PRKAA2: variants seen among roughly 807,000 people sequenced by gnomAD.
PRKAA2 encodes 5'-AMP-activated protein kinase catalytic subunit alpha-2.
Under a neutral mutation model 56.3 loss-of-function variants are expected in PRKAA2, and 40 were observed. The ratio of observed to expected loss-of-function variants is 0.71; its 90% CI spans 0.55 to 0.92. PRKAA2 has a LOEUF of 0.92. Ranked by LOEUF, PRKAA2 falls within the 40% of genes least tolerant of loss-of-function variation. PRKAA2 has a pLI of 0.00. For missense variants in PRKAA2, 542 were observed against 686.9 expected (o/e 0.79, Z 2.36); for synonymous variants, 214 against 234.2 (o/e 0.91, Z 0.79).
At chr1:56,660,619 C>T (rs1198749311) in intron 1 of PRKAA2, among the ~76,000 whole-genome samples, 1 of 152,134 alleles carries the variant, frequency 6.6e-6, no homozygotes, top group East Asian at 1.9e-4. Flanking sequence ...CTTAAGCATG[C>T]AAGTGAGCAC....
At chr1:56,705,574 T>C (rs1644326259) in intron 7 of PRKAA2, among the ~76,000 whole-genome samples, 1 of 152,026 alleles carries the variant, frequency 6.6e-6, no homozygotes, top group Non-Finnish European at 1.5e-5. Flanking sequence ...TTTTTTTGTA[T>C]GTTTTTGTAG....
chr1:56,659,136 TAAA>T (rs894218461), intron 1 of PRKAA2, among the ~76,000 whole-genome samples: 1 of 151,842 alleles, frequency 6.6e-6, no homozygotes, highest in Non-Finnish European at 1.5e-5. Flanking sequence ...TTTTTAATCT[TAAA>T]TGATGATGTA....
At chr1:56,679,756 G>C (rs1002472151) in intron 2 of PRKAA2, among the ~76,000 whole-genome samples, 8 of 152,006 alleles carry the variant, frequency 5.3e-5, no homozygotes, top group African/African-American at 1.9e-4. Context: ...TGAACGGTAT[G>C]GGTTTGAACC....
intron 2 of PRKAA2, among the ~76,000 whole-genome samples, chr1:56,680,077 A>G (rs1644142409): frequency 6.6e-6 from 1 of 152,154 alleles, no homozygotes; most frequent in African/African-American, 2.4e-5. Flanking sequence ...GTGGGCTATT[A>G]GTAGTTAAGT....
chr1:56,698,302 A>C (rs186291135), intron 6 of PRKAA2, among the ~76,000 whole-genome samples: 1 of 152,286 alleles, frequency 6.6e-6, no homozygotes, highest in Admixed American at 6.5e-5. Flanking sequence ...AATACCAAGC[A>C]TTCTGCTTTA....
intron 4 of PRKAA2, among the ~76,000 whole-genome samples, chr1:56,693,347 G>GC (rs1486118263): frequency 2.6e-5 from 4 of 152,058 alleles, no homozygotes; most frequent in Non-Finnish European, 4.4e-5. Context: ...ATGAGGTGGG[G>GC]CCCATCTGGT....
intron 1 of PRKAA2, among the ~76,000 whole-genome samples, chr1:56,657,599 C>T (rs567060015): frequency 3.4e-4 from 52 of 152,138 alleles, no homozygotes; most frequent in South Asian, 8.3e-4. Flanking sequence ...TTGCTTGAAC[C>T]GGGGAGGCAG....
At chr1:56,681,142 G>GC (rs1448909810) in intron 2 of PRKAA2, among the ~76,000 whole-genome samples, 2 of 152,188 alleles carry the variant, frequency 1.3e-5, no homozygotes, top group African/African-American at 4.8e-5. Flanking sequence ...TCTGTTGGCT[G>GC]CGTAAATGTC....
intron 1 of PRKAA2, 74 bp downstream of exon 1, chr1:56,645,555 C>T (rs1189571137): frequency 3.7e-6 from 5 of 1,341,630 alleles, no homozygotes; most frequent in East Asian, 7.7e-5. Flanking sequence ...GCGGGAGCCC[C>T]GGGCCTCCGG....
At chr1:56,670,812 T>C (rs1340335687) in intron 1 of PRKAA2, among the ~76,000 whole-genome samples, 1 of 152,226 alleles carries the variant, frequency 6.6e-6, no homozygotes, top group Non-Finnish European at 1.5e-5. Flanking sequence ...GATTATTTAT[T>C]ATTGGTGTTT....
At position 56,663,704 on chromosome 1, in the gene PRKAA2, T is replaced by G. The variant is rs540024583; in HGVS notation, c.95-10677T>G. On this transcript the variant is annotated intron_variant, in intron 1 of 8. Transcript: ENST00000371244. The stretch of plus-strand genomic sequence containing the variant: ...CGATTGACATGCCTATGATGTCGGC[T>G]GTCATTTCTGCCTGTCCTTTTCAAT... 2.6e-5 allele frequency among the ~76,000 whole-genome samples: 4 copies of G among 152,350 alleles called. No individual in the cohort carries two copies. The East Asian group carries it at 5.8e-4, about 22-fold the overall frequency.
At chr1:56,699,869 G>T (rs185657613) in intron 6 of PRKAA2, among the ~76,000 whole-genome samples, 63 of 152,216 alleles carry the variant, frequency 4.1e-4, no homozygotes, top group Middle Eastern at 3.4e-3. Flanking sequence ...TTTGTATCTG[G>T]CATCTATCAT....
In PRKAA2 at chr1:56,711,578, A is replaced by T. The variant is rs772901881; in HGVS notation, c.*3865A>T. The T allele has an allele frequency of 6.6e-6, 1 of 152,088 alleles. No individual in the cohort carries two copies. The highest frequency in any genetic ancestry group is 1.5e-5 in the Non-Finnish European group (1 of 67,994). 9.4% of individuals were successfully genotyped at this position (152,088 alleles called of 1,614,324 possible). A position where few individuals can be genotyped will look rare whatever the true frequency, so the allele number is the denominator to read the frequency against. On this transcript the variant is annotated 3_prime_UTR_variant, in exon 9 of 9. Coordinates refer to ENST00000371244, the MANE Select transcript of PRKAA2 (RefSeq NM_006252.4). ...TTGTTTTTAAGACCCAAACCTTTTC[A>T]ATCTTGCATTTATTTACTTGGTTCT...
At chr1:56,672,215 T>G (rs374417786) in intron 1 of PRKAA2, among the ~76,000 whole-genome samples, 54 of 152,130 alleles carry the variant, frequency 3.5e-4, no homozygotes, top group African/African-American at 1.3e-3. Flanking sequence ...CCTCCCAGGC[T>G]CAAGGGATCC....
chr1:56,698,335 T>C (rs890726689), intron 6 of PRKAA2, among the ~76,000 whole-genome samples: 16 of 152,218 alleles, frequency 1.1e-4, no homozygotes, highest in Admixed American at 6.5e-4. Context: ...TGTTATTGCA[T>C]TGACTTTTCA....
chr1:56,688,440 C>T (rs1356405702), intron 2 of PRKAA2, among the ~76,000 whole-genome samples: 1 of 152,134 alleles, frequency 6.6e-6, no homozygotes, highest in Non-Finnish European at 1.5e-5. Flanking sequence ...CATATAATTA[C>T]AAACTGAGAT....
intron 2 of PRKAA2, among the ~76,000 whole-genome samples, chr1:56,678,919 C>A (rs1644133896): frequency 1.3e-5 from 2 of 152,168 alleles, no homozygotes. Context: ...TGGCCTTGAT[C>A]TCTTGACTTC....
At chr1:56,664,466 A>G (rs1644018935) in intron 1 of PRKAA2, among the ~76,000 whole-genome samples, 1 of 141,908 alleles carries the variant, frequency 7.0e-6, no homozygotes, top group Non-Finnish European at 1.5e-5. Context: ...TTTTTAGTTC[A>G]GATGTTGTTT....
chr1:56,677,210 A>G (rs892128010), intron 2 of PRKAA2, among the ~76,000 whole-genome samples: 44 of 152,206 alleles, frequency 2.9e-4, no homozygotes, highest in African/African-American at 1.0e-3. Context: ...ATTGGCCCAG[A>G]GCAGGAATTA....
Sources: allele counts gnomAD v4.1 joint callset (sites outside exome capture counted in the v4.1 genomes callset), GRCh38; gene constraint gnomAD v4.1.1; transcripts MANE v1.5; gene names NCBI Gene and HGNC (gene_info 2026-07-23, HGNC 2026-07-21).